Variants in FAM171B observed in about 807,000 individuals in gnomAD.
FAM171B encodes the protein protein FAM171B.
Under a neutral mutation model 75.6 loss-of-function variants are expected in FAM171B, and 19 were observed. The ratio of observed to expected loss-of-function variants is 0.25; its 90% CI spans 0.18 to 0.37. The LOEUF is 0.37. Ranked by LOEUF, FAM171B falls within the 10% of genes least tolerant of loss-of-function variation. The probability of loss-of-function intolerance (pLI) is 1.00; values close to 1 mark genes in which losing one functional copy is unlikely to be tolerated. For missense variants in FAM171B, 848 were observed against 982.4 expected (o/e 0.86, Z 1.83); for synonymous variants, 367 against 361.7 (o/e 1.01, Z -0.17).
At chr2:186,751,335 A>G in intron 5 of FAM171B, 31 bp downstream of exon 5, 1 of 1,464,110 alleles carries the variant, frequency 6.8e-7, no homozygotes, top group Non-Finnish European at 9.1e-7. Flanking sequence ...TAGTCTGAAT[A>G]TTTTACATAT....
At chr2:186,700,246 T>G (rs1224793830) in intron 1 of FAM171B, among the ~76,000 whole-genome samples, 1 of 152,156 alleles carries the variant, frequency 6.6e-6, no homozygotes, top group Non-Finnish European at 1.5e-5. Flanking sequence ...TTGTTTTTTT[T>G]TTCTTAATAG....
chr2:186,697,996 C>A (rs2105769140), intron 1 of FAM171B, among the ~76,000 whole-genome samples: 2 of 152,298 alleles, frequency 1.3e-5, no homozygotes, highest in South Asian at 4.1e-4. Flanking sequence ...AGGTTGGTAT[C>A]CATCAAATCA....
intron 1 of FAM171B, among the ~76,000 whole-genome samples, chr2:186,694,958 T>G (rs1689558286): frequency 1.3e-5 from 2 of 152,224 alleles, no homozygotes; most frequent in Admixed American, 1.3e-4. Flanking sequence ...TATTATTTAT[T>G]TCTCTTTCTC....
chr2:186,736,340 C>T lies in FAM171B; in HGVS notation c.239-3888C>T, dbSNP rs564089359. Among the ~76,000 whole-genome samples, 4 of 152,290 alleles carry T rather than the reference C, an allele frequency of 2.6e-5. No individual in the cohort carries two copies. In the South Asian group the frequency reaches 6.2e-4, roughly 24 times the overall value. ...GGGTTAGCCATGGTTCACTTTCAAA[C>T]CTCTGCAACTCTCAGTTACCAATAT... On this transcript the variant is annotated intron_variant, in intron 1 of 7. Transcript: ENST00000304698.
chr2:186,762,167 G>T lies in FAM171B; in HGVS notation c.1825G>T (p.Gly609Cys). 3 of 1,613,634 alleles carry T rather than the reference G, an allele frequency of 1.9e-6. No homozygotes were observed. In the South Asian group the frequency reaches 3.3e-5, roughly 18 times the overall value. Residue 609 changes from glycine to cysteine, a missense_variant, in exon 8 of 8, where the codon GGT becomes TGT. Gly to Cys is a radical substitution (Grantham distance 159). Around this residue, in one of 3 missense-constraint regions of FAM171B, gnomAD observed 665 missense variants for 729.0 expected, o/e 0.91. Coordinates refer to ENST00000304698, the MANE Select transcript of FAM171B (RefSeq NM_177454.4). This position sits in a 1 kb window ranked among gnomAD's most constrained non-coding sequence, Gnocchi z 4.0. ...CAGGGAAGAGGATATCATACTTGAA[G>T]GTCAACAGAGCCTGCCATCCCAGGC... ...DAREEDIILEGQQSLPSQASD... is the reference protein window; with the variant it reads ...DAREEDIILECQQSLPSQASD...
At chr2:186,749,210 A>G (rs1690415291) in intron 4 of FAM171B, among the ~76,000 whole-genome samples, 1 of 152,216 alleles carries the variant, frequency 6.6e-6, no homozygotes, top group Non-Finnish European at 1.5e-5. Flanking sequence ...CCATGAGGAT[A>G]AAAATGTCCT....
chr2:186,721,933 G>C (rs1213052075), intron 1 of FAM171B, among the ~76,000 whole-genome samples: 3 of 151,068 alleles, frequency 2.0e-5, no homozygotes, highest in Non-Finnish European at 2.9e-5. Flanking sequence ...AATGGGGTAT[G>C]TGTGCACAAC....
chr2:186,726,643 A>G (rs1222637825), intron 1 of FAM171B, among the ~76,000 whole-genome samples: 1 of 152,288 alleles, frequency 6.6e-6, no homozygotes, highest in East Asian at 1.9e-4. Context: ...AGTAGTAAAA[A>G]TAAAATTTTT....
intron 6 of FAM171B, among the ~76,000 whole-genome samples, chr2:186,760,794 T>C (rs1239534046): frequency 1.3e-5 from 2 of 152,168 alleles, no homozygotes; most frequent in East Asian, 1.9e-4. Context: ...TCAACAGATA[T>C]TCTCATTCTA....
intron 5 of FAM171B, among the ~76,000 whole-genome samples, chr2:186,753,395 A>G (rs1336097117): frequency 6.6e-6 from 1 of 152,234 alleles, no homozygotes; most frequent in Non-Finnish European, 1.5e-5. Flanking sequence ...TTAGTATGCC[A>G]AAAACATGTA....
At chr2:186,756,722 G>T (rs1476346378) in intron 6 of FAM171B, among the ~76,000 whole-genome samples, 2 of 152,022 alleles carry the variant, frequency 1.3e-5, no homozygotes, top group Non-Finnish European at 2.9e-5. Context: ...CAGGTTAAGG[G>T]TTTAATCCCA....
At chr2:186,757,123 G>T (rs1647020190) in intron 6 of FAM171B, among the ~76,000 whole-genome samples, 1 of 152,084 alleles carries the variant, frequency 6.6e-6, no homozygotes, top group Non-Finnish European at 1.5e-5. Flanking sequence ...TTAATCTCCA[G>T]CCATTCTCCT....
intron 1 of FAM171B, among the ~76,000 whole-genome samples, chr2:186,715,870 T>A (rs1689868231): frequency 6.6e-6 from 1 of 152,228 alleles, no homozygotes; most frequent in Non-Finnish European, 1.5e-5. Flanking sequence ...TTCTTCCACT[T>A]CTATTTTGTT....
chr2:186,726,826 C>T (rs1298345308), intron 1 of FAM171B, among the ~76,000 whole-genome samples: 1 of 152,010 alleles, frequency 6.6e-6, no homozygotes, highest in African/African-American at 2.4e-5. Context: ...TTATTATTTA[C>T]TTCTTGCTGT....
intron 1 of FAM171B, among the ~76,000 whole-genome samples, chr2:186,696,894 A>G (rs777451757): frequency 1.7e-4 from 26 of 152,128 alleles, no homozygotes; most frequent in Non-Finnish European, 3.4e-4. Context: ...TTGATAGAAC[A>G]TAAGCTCTGT....
In FAM171B at chr2:186,694,307, A is replaced by AGCG. The variant is rs752832442; in HGVS notation, c.136_137insGGC (p.Gln45_Gln46insArg). 13 of 1,583,846 alleles carry AGCG rather than the reference A, an allele frequency of 8.2e-6. No homozygotes were observed. In the South Asian group the frequency reaches 1.4e-4, roughly 18 times the overall value. The stretch of plus-strand genomic sequence containing the variant: ...TCCGACCTCAGCCTCATCCAACAGC[A>AGCG]GCAGCAGCAGCAGCAACAACAACAA... On this transcript the variant is annotated inframe_insertion, in exon 1 of 8. Coordinates refer to ENST00000304698, the MANE Select transcript of FAM171B (RefSeq NM_177454.4).
intron 4 of FAM171B, among the ~76,000 whole-genome samples, chr2:186,748,398 T>C (rs889489284): frequency 6.6e-6 from 1 of 152,058 alleles, no homozygotes; most frequent in Non-Finnish European, 1.5e-5. Context: ...TTTGGTTAGA[T>C]AGAGTTTTGT....
At chr2:186,725,221 G>A (rs1553510270) in intron 1 of FAM171B, among the ~76,000 whole-genome samples, 1 of 151,856 alleles carries the variant, frequency 6.6e-6, no homozygotes, top group Non-Finnish European at 1.5e-5. Context: ...GCAGGCACCT[G>A]TAGTCCCAGC....
Position 186,761,665 on chromosome 2 carries a change from A to G in FAM171B, c.1323A>G (p.Glu441=), listed in dbSNP as rs1161677679. ...CCTCATATAGTCCTCAGAAAAAGGA[A>G]CCATCAAAGGCAGAAACAGAAGAAA... is the stretch of plus-strand genomic sequence containing the variant. The part of the protein sequence containing the change: ...KNSSYSPQKK[E]PSKAETEERV... Residue 441 remains glutamate (E), a synonymous_variant, in exon 8 of 8, where the codon GAA becomes GAG. Transcript: ENST00000304698. 6.2e-7 allele frequency: 1 copy of G among 1,611,894 alleles called. No individual in the cohort carries two copies. The highest frequency in any genetic ancestry group is 8.5e-7 in the Non-Finnish European group (1 of 1,179,314).
Sources: gnomAD v4.1 joint callset for allele counts (sites outside exome capture counted in the v4.1 genomes callset) on GRCh38, gnomAD v4.1.1 for gene constraint, gnomAD v4.1.1 regional missense constraint, Gnocchi (gnomAD v3.1) non-coding constraint, MANE v1.5 for transcripts, NCBI Gene and HGNC (gene_info 2026-07-23, HGNC 2026-07-21) for gene names.